ZNF398: variants seen among roughly 807,000 people sequenced by gnomAD.
The protein encoded by ZNF398 is zinc finger protein 398, also known as zinc finger DNA binding protein ZER6.
In ZNF398, 18 loss-of-function variants were observed where a neutral mutation model predicts 41.9. The observed-to-expected ratio is 0.43, with a 90% confidence interval of 0.30 to 0.64. The LOEUF is 0.64. ZNF398 is among the 30% of genes least tolerant of loss of function. ZNF398 has a pLI of 0.14. For missense variants in ZNF398, 669 were observed against 822.8 expected (o/e 0.81, Z 2.29); for synonymous variants, 260 against 308.8 (o/e 0.84, Z 1.66).
At chr7:149,161,107 C>T (rs972875126) in intron 2 of ZNF398, among the ~76,000 whole-genome samples, 2 of 152,112 alleles carry the variant, frequency 1.3e-5, no homozygotes, top group Admixed American at 1.3e-4. Context: ...GCCCTGCCTT[C>T]TCCCTGTCCC....
chr7:149,176,456 C>T lies in ZNF398; in HGVS notation c.662-12C>T. 6.3e-7 allele frequency: 1 copy of T among 1,595,072 alleles called. No individual in the cohort carries two copies. Among genetic ancestry groups the T allele is most frequent in the Non-Finnish European group, 8.6e-7 (1 of 1,164,046 alleles). On this transcript the variant is annotated splice_polypyrimidine_tract_variant and intron_variant, in intron 4 of 5. Coordinates refer to ENST00000475153, the MANE Select transcript of ZNF398 (RefSeq NM_170686.3). ...TTCATGAAGGCCATTTTTTTTTCCT[C>T]CCACAAATTAGAGCCTGGTATTTCA...
chr7:149,154,097 C>A lies in ZNF398; in HGVS notation c.177C>A (p.Ile59=), dbSNP rs1585518353. 3.7e-6 allele frequency: 6 copies of A among 1,613,968 alleles called. No homozygotes were observed. The African/African-American group carries it at 8.0e-5, about 22-fold the overall frequency. ...AVQAIERKVE[I]HSRRLLHLEG... is the part of the protein sequence containing the mutation. ...AGGCTATAGAGAGGAAGGTGGAGAT[C>A]CACAGCCGGCGACTCCTACACCTGG... The change falls in exon 2 of 6, where the codon ATC becomes ATA. Residue 59 remains isoleucine (I), a synonymous_variant. Coordinates refer to ENST00000475153, the MANE Select transcript of ZNF398 (RefSeq NM_170686.3).
At chr7:149,176,334 A>T in intron 4 of ZNF398, 134 bp from the exon 5 acceptor site, 2 of 620,548 alleles carry the variant, frequency 3.2e-6, no homozygotes, top group South Asian at 3.4e-5. Flanking sequence ...ACAGAGCGAG[A>T]CTCTGTCTCA....
chr7:149,144,094 A>T (rs1044489729), upstream of ZNF398, among the ~76,000 whole-genome samples: 1 of 152,214 alleles, frequency 6.6e-6, no homozygotes. Flanking sequence ...CCAAGAATTA[A>T]ATAGGAAGAA....
intron 4 of ZNF398, among the ~76,000 whole-genome samples, chr7:149,167,839 C>T (rs1175927869): frequency 6.6e-6 from 1 of 151,930 alleles, no homozygotes; most frequent in Non-Finnish European, 1.5e-5. Flanking sequence ...TCTTGATCTC[C>T]TGACCTCGTG....
intron 5 of ZNF398, among the ~76,000 whole-genome samples, chr7:149,178,324 A>G (rs1456409526): frequency 1.3e-5 from 2 of 152,068 alleles, no homozygotes; most frequent in Non-Finnish European, 2.9e-5. Flanking sequence ...ACGGTAGTGC[A>G]TGCCTGTAAT....
At chr7:149,155,841 C>G (rs1015832036) in intron 2 of ZNF398, among the ~76,000 whole-genome samples, 3 of 151,000 alleles carry the variant, frequency 2.0e-5, no homozygotes, top group African/African-American at 7.3e-5. Flanking sequence ...ATTCTCCTGC[C>G]TCAGCCTCCT....
At chr7:149,158,131 T>C (rs536731421) in intron 2 of ZNF398, among the ~76,000 whole-genome samples, 1 of 151,102 alleles carries the variant, frequency 6.6e-6, no homozygotes, top group East Asian at 1.9e-4. Context: ...GCTGATGAGG[T>C]AGAGGAAAAA....
Position 149,166,142 on chromosome 7 carries a change from G to A in ZNF398, c.421-16G>A. ...ATTATAATGGAAGGGACTAACCCAT[G>A]TGATTGTAATTTTAGGTGCCTGTGG... On this transcript the variant is annotated splice_polypyrimidine_tract_variant and intron_variant, in intron 2 of 5. Coordinates refer to ENST00000475153, the MANE Select transcript of ZNF398 (RefSeq NM_170686.3). The A allele has an allele frequency of 6.2e-7, 1 of 1,612,712 alleles. No homozygotes were observed. Among genetic ancestry groups the A allele is most frequent in the Non-Finnish European group, 8.5e-7 (1 of 1,179,332 alleles).
chr7:149,179,045 C>G lies in ZNF398; in HGVS notation c.1173C>G (p.Asp391Glu), dbSNP rs1357336781. 2.5e-6 allele frequency: 4 copies of G among 1,613,892 alleles called. No homozygotes were observed. The East Asian group carries it at 6.7e-5, about 27-fold the overall frequency. ...PQADLSSTSQ[D>E]HASETPPTCP... ...CGGACCTCAGCAGCACCTCCCAGGA[C>G]CATGCCAGCGAGACACCCCCCACCT... The change falls in exon 6 of 6, where the codon GAC becomes GAG. Residue 391 changes from aspartate (D) to glutamate (E), a missense_variant. This residue lies in a region of ZNF398 where 290 missense variants were observed against 292.9 expected (regional missense o/e 0.99). Transcript: ENST00000475153. This position sits in a 1 kb window ranked among gnomAD's most constrained non-coding sequence, Gnocchi z 6.1.
chr7:149,133,678 T>TATATATATATATATACAC (rs1483673161), intron 2 of ZNF398, among the ~76,000 whole-genome samples: 12 of 67,018 alleles, frequency 1.8e-4, no homozygotes, highest in African/African-American at 6.1e-4. Flanking sequence ...TATATATATA[T>TATATATATATATATACAC]ACATATATAT....
intron 2 of ZNF398, 68 bp from the exon 3 acceptor site, chr7:149,166,090 T>C: frequency 6.6e-7 from 1 of 1,510,950 alleles, no homozygotes; most frequent in Non-Finnish European, 8.9e-7. Context: ...AAGGAACTAA[T>C]TGGAAAGAGA....
chr7:149,133,845 G>C (rs1158148601), intron 2 of ZNF398, among the ~76,000 whole-genome samples: 1 of 144,252 alleles, frequency 6.9e-6, no homozygotes, highest in Non-Finnish European at 1.5e-5. Flanking sequence ...TCTGCCTCCT[G>C]CGTTCAAGCG....
intron 4 of ZNF398, among the ~76,000 whole-genome samples, chr7:149,170,137 CG>C (rs2129521386): frequency 6.6e-6 from 1 of 152,294 alleles, no homozygotes; most frequent in African/African-American, 2.4e-5. Flanking sequence ...AAGGAAAGCA[CG>C]TGTTCTGCAT....
At chr7:149,148,117 C>G (rs909763871) in intron 1 of ZNF398, 3 of 277,212 alleles carry the variant, frequency 1.1e-5, no homozygotes, top group African/African-American at 6.6e-5. Flanking sequence ...GAGCCGTCAG[C>G]CATTCTCGCG....
chr7:149,128,167 GGGTTACAGCTT>G (rs1826524138), intron 1 of ZNF398, among the ~76,000 whole-genome samples: 1 of 152,168 alleles, frequency 6.6e-6, no homozygotes, highest in African/African-American at 2.4e-5. Context: ...CAAGGTGGTT[GGGTTACAGCTT>G]GATTTTACAC....
In ZNF398 at chr7:149,179,261, C is replaced by G. The variant is rs1452524988; in HGVS notation, c.1389C>G (p.Ser463Arg). The change falls in exon 6 of 6, where the codon AGC becomes AGG. Residue 463 changes from serine (S) to arginine (R), a missense_variant. Around this residue, in one of 3 missense-constraint regions of ZNF398, gnomAD observed 210 missense variants for 290.4 expected, o/e 0.72. Coordinates refer to ENST00000475153, the MANE Select transcript of ZNF398 (RefSeq NM_170686.3). The surrounding 1 kb of genome is among the most constrained non-coding windows in gnomAD (Gnocchi z 6.1). The part of the protein sequence containing the change: ...RPFRCAQCGR[S>R]FSLKISLLLH... ...TCCGCTGTGCCCAGTGCGGCAGGAG[C>G]TTCAGCTTGAAAATCAGCCTCCTGC... is the stretch of plus-strand genomic sequence containing the variant. The G allele has an allele frequency of 2.5e-6, 4 of 1,613,150 alleles. No individual in the cohort carries two copies. Among genetic ancestry groups the G allele is most frequent in the Non-Finnish European group, 3.4e-6 (4 of 1,180,000 alleles).
At chr7:149,149,929 G>A (rs2129520147) in intron 1 of ZNF398, among the ~76,000 whole-genome samples, 1 of 152,172 alleles carries the variant, frequency 6.6e-6, no homozygotes, top group South Asian at 2.1e-4. Context: ...CACATTTCAG[G>A]TGCTCAGTGG....
chr7:149,174,693 G>T (rs1795424968), intron 4 of ZNF398, among the ~76,000 whole-genome samples: 1 of 152,096 alleles, frequency 6.6e-6, no homozygotes, highest in Non-Finnish European at 1.5e-5. Context: ...GGGCATGGTG[G>T]CACACACCTG....
Sources: gnomAD v4.1 joint callset for allele counts (sites outside exome capture counted in the v4.1 genomes callset) on GRCh38, gnomAD v4.1.1 for gene constraint, gnomAD v4.1.1 regional missense constraint, Gnocchi (gnomAD v3.1) non-coding constraint, MANE v1.5 for transcripts, NCBI Gene and HGNC (gene_info 2026-07-23, HGNC 2026-07-21) for gene names.